TMEM114: variants seen among roughly 807,000 people sequenced by gnomAD.
TMEM114 encodes the protein claudin-26.
TMEM114 carries 6 observed loss-of-function variants against 6.2 expected under a neutral mutation model. That is an observed-to-expected ratio of 0.97 (90% CI 0.53 to 1.91). TMEM114 has a LOEUF of 1.91. Among genes scored for constraint, TMEM114 ranks in the 40% most tolerant of loss-of-function variants. The pLI, the probability that TMEM114 is intolerant of heterozygous loss-of-function variation, is 0.01. For missense variants in TMEM114, 218 were observed against 158.3 expected, an observed-to-expected ratio of 1.38 and a Z score of -2.02; for synonymous variants, 104 against 73.0, an observed-to-expected ratio of 1.42 and a Z score of -2.16.
chr16:8,538,928 G>A (rs1264684674), intron 2 of TMEM114, among the ~76,000 whole-genome samples: 1 of 152,172 alleles, frequency 6.6e-6, no homozygotes, highest in Non-Finnish European at 1.5e-5. Context: ...TAATGTATCT[G>A]TGTGTGACTT....
At chr16:8,570,714 A>G (rs561138282) in intron 3 of TMEM114, among the ~76,000 whole-genome samples, 33 of 152,194 alleles carry the variant, frequency 2.2e-4, no homozygotes, top group Non-Finnish European at 8.8e-5. Context: ...TCAATTCCCC[A>G]GCACCGAGAA....
At chr16:8,568,750 G>A (rs1008472423), downstream of TMEM114, among the ~76,000 whole-genome samples, 1 of 152,178 alleles carries the variant, frequency 6.6e-6, no homozygotes, top group Non-Finnish European at 1.5e-5. Context: ...CAGAATCTCA[G>A]CCATGGTTTT....
chr16:8,542,043 G>A (rs4131879), intron 2 of TMEM114, among the ~76,000 whole-genome samples: 8 of 151,884 alleles, frequency 5.3e-5, no homozygotes, highest in Non-Finnish European at 1.0e-4. Flanking sequence ...GAAAAAGCAC[G>A]CCAACATTAG....
rs1901655290 is a variant in TMEM114 at position 8,569,595 on chromosome 16, G to C, written c.*178C>G. 1 of 1,430,666 alleles carries C rather than the reference G, an allele frequency of 7.0e-7. No homozygotes were observed. The allele number at this position is 1,430,666 out of a possible 1,614,324, so 88.6% of individuals were successfully genotyped here. On this transcript the variant is annotated 3_prime_UTR_variant, in exon 4 of 4. Coordinates refer to ENST00000620492, the MANE Select transcript of TMEM114 (RefSeq NM_001146336.2). Reference sequence around the variant, plus strand: ...GGACACACACGGACATAAGCACACAGGTACTAGGATAACAGCCAGGCCCCA... The same window carrying C: ...GGACACACACGGACATAAGCACACACGTACTAGGATAACAGCCAGGCCCCA...
At chr16:8,584,527 G>A (rs1300750783) in intron 2 of TMEM114, among the ~76,000 whole-genome samples, 1 of 152,150 alleles carries the variant, frequency 6.6e-6, no homozygotes, top group South Asian at 2.1e-4. Context: ...AGGTTATTGG[G>A]ATGTACCTGT....
chr16:8,533,340 T>C (rs1035802571), downstream of TMEM114, among the ~76,000 whole-genome samples: 2 of 152,200 alleles, frequency 1.3e-5, no homozygotes, highest in African/African-American at 4.8e-5. Context: ...AGGCAGAGTA[T>C]TCTGGGAAGA....
intron 2 of TMEM114, among the ~76,000 whole-genome samples, chr16:8,545,267 T>G (rs1273693845): frequency 1.3e-5 from 2 of 151,958 alleles, no homozygotes; most frequent in Non-Finnish European, 2.9e-5. Flanking sequence ...GCAAGAGCCC[T>G]TATCTACAAA....
chr16:8,545,367 T>C (rs1287716359), intron 2 of TMEM114, among the ~76,000 whole-genome samples: 1 of 152,000 alleles, frequency 6.6e-6, no homozygotes, highest in Non-Finnish European at 1.5e-5. Flanking sequence ...GCCCAGGAGG[T>C]TGAGGTTGCA....
intron 2 of TMEM114, among the ~76,000 whole-genome samples, chr16:8,579,008 A>G (rs1448862196): frequency 1.3e-5 from 2 of 152,186 alleles, no homozygotes; most frequent in South Asian, 4.1e-4. Context: ...AAATATTGGC[A>G]GGCCATTGTT....
intron 2 of TMEM114, among the ~76,000 whole-genome samples, chr16:8,557,168 T>A (rs1280671950): frequency 6.6e-6 from 1 of 152,162 alleles, no homozygotes; most frequent in Non-Finnish European, 1.5e-5. Context: ...GAGGTTGAGG[T>A]CTATGTTCCC....
At chr16:8,556,840 G>GT (rs1901027276) in intron 2 of TMEM114, among the ~76,000 whole-genome samples, 1 of 152,200 alleles carries the variant, frequency 6.6e-6, no homozygotes, top group Admixed American at 6.5e-5. Context: ...TAAATTTTAT[G>GT]TCATGTGTAT....
At chr16:8,554,112 C>G (rs1179263323) in intron 2 of TMEM114, among the ~76,000 whole-genome samples, 1 of 152,156 alleles carries the variant, frequency 6.6e-6, no homozygotes, top group Non-Finnish European at 1.5e-5. Flanking sequence ...CTCCTGAGCT[C>G]AGGTGATCCA....
intron 2 of TMEM114, among the ~76,000 whole-genome samples, chr16:8,561,903 A>G (rs1052509984): frequency 1.3e-5 from 1 of 74,840 alleles, no homozygotes; most frequent in Non-Finnish European, 2.7e-5. Context: ...TGAGTAAATG[A>G]GTGAATGAAT....
chr16:8,574,929 AT>A (rs1035618543), intron 2 of TMEM114, among the ~76,000 whole-genome samples: 1 of 151,842 alleles, frequency 6.6e-6, no homozygotes, highest in Non-Finnish European at 1.5e-5. Context: ...TCTTTGCTAC[AT>A]TTTTTTCCCA....
intron 2 of TMEM114, among the ~76,000 whole-genome samples, chr16:8,539,676 C>T (rs748212308): frequency 3.3e-5 from 5 of 152,028 alleles, no homozygotes; most frequent in Non-Finnish European, 7.4e-5. Context: ...ATTTATTCAC[C>T]ACCACAAGCA....
intron 2 of TMEM114, among the ~76,000 whole-genome samples, chr16:8,551,347 C>T (rs1900837177): frequency 6.6e-6 from 1 of 152,308 alleles, no homozygotes; most frequent in African/African-American, 2.4e-5. Context: ...ATCCAAGCTC[C>T]AGCCCCTAGT....
At chr16:8,568,203 G>A (rs964570860), downstream of TMEM114, among the ~76,000 whole-genome samples, 1 of 152,144 alleles carries the variant, frequency 6.6e-6, no homozygotes, top group African/African-American at 2.4e-5. Context: ...CACGGGCTAC[G>A]TATTTCATAT....
the TMEM114 span, among the ~76,000 whole-genome samples, chr16:8,527,049 C>T: frequency 6.6e-6 from 1 of 152,122 alleles, no homozygotes; most frequent in Non-Finnish European, 1.5e-5. Context: ...CTCTGCTAAA[C>T]ATAGCAAAAT....
In TMEM114 at chr16:8,569,690, GA is replaced by G; in HGVS notation, c.*82del. On this transcript the variant is annotated 3_prime_UTR_variant, in exon 4 of 4. Transcript: ENST00000620492. Reference sequence around the variant, plus strand: ...GCCTCCCCGAGTGGCCTTTGAGGAAGAAGAGGCCGCAGCCGATGGAGATCGG... The same window carrying G: ...GCCTCCCCGAGTGGCCTTTGAGGAAGAGAGGCCGCAGCCGATGGAGATCGG... 3 of 1,458,932 alleles carry G rather than the reference GA, an allele frequency of 2.1e-6. No individual in the cohort carries two copies. The highest frequency in any genetic ancestry group is 2.7e-6 in the Non-Finnish European group (3 of 1,105,894). 90.4% of individuals were successfully genotyped at this position (1,458,932 alleles called of 1,614,324 possible).
Sources: allele counts gnomAD v4.1 joint callset (sites outside exome capture counted in the v4.1 genomes callset), GRCh38; gene constraint gnomAD v4.1.1; transcripts MANE v1.5; gene names NCBI Gene and HGNC (gene_info 2026-07-23, HGNC 2026-07-21).